MACROD2: variants seen among roughly 807,000 people sequenced by gnomAD.
The protein encoded by MACROD2 is mono-ADP ribosylhydrolase 2, also known as ADP-ribose glycohydrolase MACROD2.
MACROD2 carries 36 observed loss-of-function variants against 70.4 expected under a neutral mutation model. That is an observed-to-expected ratio of 0.51 (90% CI 0.39 to 0.68). The LOEUF (loss-of-function observed/expected upper bound fraction) is 0.68, where lower values mean the gene tolerates loss of function less well. Ranked by LOEUF, MACROD2 falls within the 30% of genes least tolerant of loss-of-function variation. The pLI, the probability that MACROD2 is intolerant of heterozygous loss-of-function variation, is 0.00. For synonymous variants in MACROD2, 172 were observed against 178.8 expected (o/e 0.96, Z 0.30); for missense variants, 496 against 538.4 (o/e 0.92, Z 0.78).
intron 3 of MACROD2, among the ~76,000 whole-genome samples, chr20:14,413,812 T>C (rs965281966): frequency 1.3e-5 from 2 of 152,074 alleles, no homozygotes; most frequent in Non-Finnish European, 2.9e-5. Flanking sequence ...GCTTTTTTTT[T>C]CCTGTTGAAA....
At chr20:15,357,828 A>G (rs1048124299) in intron 6 of MACROD2, among the ~76,000 whole-genome samples, 2 of 139,636 alleles carry the variant, frequency 1.4e-5, no homozygotes, top group African/African-American at 5.4e-5. Context: ...TTTTTTCAAG[A>G]CAGAGTCTTG....
intron 5 of MACROD2, among the ~76,000 whole-genome samples, chr20:14,971,580 G>T (rs955256419): frequency 1.3e-5 from 2 of 152,032 alleles, no homozygotes; most frequent in African/African-American, 4.8e-5. Flanking sequence ...TTACATTCCT[G>T]TGGGTTGACT....
At chr20:14,611,332 T>G (rs910058092) in intron 4 of MACROD2, among the ~76,000 whole-genome samples, 1 of 152,062 alleles carries the variant, frequency 6.6e-6, no homozygotes, top group Non-Finnish European at 1.5e-5. Flanking sequence ...AAAAAATAAA[T>G]GTCAGCAATG....
intron 3 of MACROD2, among the ~76,000 whole-genome samples, chr20:14,112,522 AT>A (rs1483315059): frequency 6.6e-6 from 1 of 152,044 alleles, no homozygotes; most frequent in African/African-American, 2.4e-5. Context: ...AAAAAATAAA[AT>A]TGAAACATTT....
chr20:14,710,752 C>A (rs1439771348), intron 5 of MACROD2, among the ~76,000 whole-genome samples: 1 of 152,122 alleles, frequency 6.6e-6, no homozygotes, highest in East Asian at 1.9e-4. Flanking sequence ...ATTTTTACTT[C>A]CTTTACCTAC....
chr20:15,710,034 C>T lies in MACROD2; in HGVS notation c.646-152711C>T, dbSNP rs117532949. ...GCTTCTACAGACTCTGATTTAAAAA[C>T]GGGCTAATGATCCGTACGACACTTC... On this transcript the variant is annotated intron_variant, in intron 8 of 17. Transcript: ENST00000684519. Among the ~76,000 whole-genome samples the T allele has an allele frequency of 1.6e-3, 249 of 152,064 alleles. 5 individuals carry two copies. In the East Asian group the frequency reaches 0.035, roughly 22 times the overall value.
intron 6 of MACROD2, among the ~76,000 whole-genome samples, chr20:15,328,984 A>G (rs1225719727): frequency 6.6e-6 from 1 of 152,142 alleles, no homozygotes; most frequent in African/African-American, 2.4e-5. Context: ...ACTATGGTGT[A>G]TTTATAAGGT....
intron 2 of MACROD2, among the ~76,000 whole-genome samples, chr20:14,009,350 A>G (rs901662325): frequency 6.6e-6 from 1 of 152,244 alleles, no homozygotes; most frequent in Admixed American, 6.5e-5. Flanking sequence ...CAACAAACAT[A>G]TGACAAAAAG....
At chr20:14,686,087 G>C in intron 5 of MACROD2, among the ~76,000 whole-genome samples, 1 of 152,186 alleles carries the variant, frequency 6.6e-6, no homozygotes, top group South Asian at 2.1e-4. Context: ...TGGTTTCAGT[G>C]AAAGTACTTT....
intron 5 of MACROD2, among the ~76,000 whole-genome samples, chr20:14,992,821 AAGCCTTTTT>A (rs1419405016): frequency 1.3e-5 from 2 of 152,154 alleles, no homozygotes; most frequent in Admixed American, 1.3e-4. Flanking sequence ...CAGATTTGAA[AAGCCTTTTT>A]GCCTATGATG....
In MACROD2 at chr20:14,920,977, C is replaced by T. The variant is rs539803795; in HGVS notation, c.418+236018C>T. On this transcript the variant is annotated intron_variant, in intron 5 of 17. Coordinates refer to ENST00000684519, the MANE Select transcript of MACROD2 (RefSeq NM_001351661.2). ...GTTTAAGGAATTAAGGGCAAAAAAACCTAGATATGTTCCACAACTTTGGTG... is the reference window on the plus strand; with the variant it reads ...GTTTAAGGAATTAAGGGCAAAAAAATCTAGATATGTTCCACAACTTTGGTG... 2.6e-5 allele frequency among the ~76,000 whole-genome samples: 4 copies of T among 152,246 alleles called. No homozygotes were observed. In the South Asian group the frequency reaches 8.3e-4, roughly 32 times the overall value.
At chr20:15,979,663 C>T (rs962851870) in intron 13 of MACROD2, among the ~76,000 whole-genome samples, 1 of 152,082 alleles carries the variant, frequency 6.6e-6, no homozygotes, top group African/African-American at 2.4e-5. Context: ...CTTTCATTAG[C>T]CCGAGGCAAA....
At chr20:14,481,097 A>G (rs1461244202) in intron 3 of MACROD2, among the ~76,000 whole-genome samples, 1 of 149,888 alleles carries the variant, frequency 6.7e-6, no homozygotes, top group Non-Finnish European at 1.5e-5. Flanking sequence ...ATGAAAACAT[A>G]TATTTTACTT....
chr20:16,040,747 C>G (rs2067296893), intron 15 of MACROD2, among the ~76,000 whole-genome samples: 1 of 151,938 alleles, frequency 6.6e-6, no homozygotes, highest in Non-Finnish European at 1.5e-5. Flanking sequence ...ACAACAACAA[C>G]AACAAAAACT....
intron 3 of MACROD2, among the ~76,000 whole-genome samples, chr20:14,483,455 G>A (rs569271025): frequency 2.4e-4 from 37 of 151,914 alleles, no homozygotes; most frequent in African/African-American, 8.7e-4. Context: ...TGCCCAGGCT[G>A]GAGTGCAATG....
chr20:14,301,329 A>G (rs535112581), intron 3 of MACROD2, among the ~76,000 whole-genome samples: 1 of 152,346 alleles, frequency 6.6e-6, no homozygotes, highest in Admixed American at 6.5e-5. Flanking sequence ...AAAAAATAAA[A>G]AATGAAAGGA....
chr20:14,965,416 T>C (rs2122779096), intron 5 of MACROD2, among the ~76,000 whole-genome samples: 1 of 151,896 alleles, frequency 6.6e-6, no homozygotes, highest in South Asian at 2.1e-4. Context: ...ATTCTAATTG[T>C]TTCCAACCTA....
chr20:14,201,102 C>CT (rs1250038766), intron 3 of MACROD2, among the ~76,000 whole-genome samples: 3 of 152,006 alleles, frequency 2.0e-5, no homozygotes, highest in African/African-American at 4.8e-5. Context: ...GCTAAATTAT[C>CT]TTTTTCTCTA....
chr20:15,773,231 C>T (rs1460829684), intron 8 of MACROD2, among the ~76,000 whole-genome samples: 1 of 151,022 alleles, frequency 6.6e-6, no homozygotes, highest in Admixed American at 6.6e-5. Context: ...TGTGATTTCA[C>T]TTGACCTCAA....
Sources: allele counts gnomAD v4.1 joint callset (sites outside exome capture counted in the v4.1 genomes callset), GRCh38; gene constraint gnomAD v4.1.1; transcripts MANE v1.5; gene names NCBI Gene and HGNC (gene_info 2026-07-23, HGNC 2026-07-21).